The following SCAPER variants were observed in gnomAD, a reference collection of about 807,000 sequenced individuals.
SCAPER encodes the protein S phase cyclin A-associated protein in the endoplasmic reticulum.
Under a neutral mutation model 182.2 loss-of-function variants are expected in SCAPER, and 98 were observed. The observed-to-expected ratio is 0.54, with a 90% CI of 0.46 to 0.64. The LOEUF (loss-of-function observed/expected upper bound fraction) is 0.64. SCAPER is among the 30% of genes least tolerant of loss of function. The probability of loss-of-function intolerance (pLI) is 0.00; values close to 1 mark genes in which losing one functional copy is unlikely to be tolerated. For synonymous variants in SCAPER, 605 were observed against 564.6 expected (o/e 1.07, Z -1.01); for missense variants, 1,432 against 1,690.0 (o/e 0.85, Z 2.68).
intron 25 of SCAPER, among the ~76,000 whole-genome samples, chr15:76,461,115 T>G (rs115997916): frequency 2.0e-3 from 311 of 152,258 alleles, no homozygotes; most frequent in African/African-American, 6.6e-3. Flanking sequence ...AAAATGCCCC[T>G]TAATTTTTGG....
chr15:76,658,953 A>C (rs981925626), intron 21 of SCAPER, among the ~76,000 whole-genome samples: 1 of 152,200 alleles, frequency 6.6e-6, no homozygotes, highest in Non-Finnish European at 1.5e-5. Flanking sequence ...GTGAAACATC[A>C]AACTATAAAA....
intron 1 of SCAPER, among the ~76,000 whole-genome samples, chr15:76,884,938 T>C (rs2073762809): frequency 6.6e-6 from 1 of 152,216 alleles, no homozygotes; most frequent in South Asian, 2.1e-4. Flanking sequence ...ACACATATTG[T>C]ATGATTCCAC....
rs1362148153 is a variant in SCAPER, at chr15:76,821,284, A to AAGGG, written c.394-16652_394-16651insCCCT. ...CTGTGGTACATCCAGAAAATGAAAT[A>AAGGG]TTGCTCACGGCTAAGAAGAATGATC... On this transcript the variant is annotated intron_variant, in intron 5 of 31. Transcript: ENST00000563290. Among the ~76,000 whole-genome samples the AAGGG allele has an allele frequency of 4.6e-5, 7 of 152,364 alleles. No individual in the cohort carries two copies. In the East Asian group the frequency reaches 1.3e-3, roughly 29 times the overall value.
intron 17 of SCAPER, among the ~76,000 whole-genome samples, chr15:76,711,668 T>G (rs564884168): frequency 2.4e-4 from 37 of 152,348 alleles, no homozygotes; most frequent in Admixed American, 1.6e-3. Flanking sequence ...GGTTTTGATT[T>G]GCATTTCTTT....
intron 24 of SCAPER, among the ~76,000 whole-genome samples, chr15:76,479,516 G>T (rs1933654837): frequency 6.6e-6 from 1 of 152,164 alleles, no homozygotes; most frequent in African/African-American, 2.4e-5. Context: ...TTTTGTGTCA[G>T]TAAGTCTTTT....
intron 5 of SCAPER, among the ~76,000 whole-genome samples, chr15:76,841,516 A>G (rs1276540079): frequency 6.6e-6 from 1 of 152,042 alleles, no homozygotes; most frequent in African/African-American, 2.4e-5. Context: ...GTGTGGTGGC[A>G]TGTGCCTGTA....
chr15:76,616,859 C>T (rs575771336), intron 22 of SCAPER, among the ~76,000 whole-genome samples: 57 of 152,208 alleles, frequency 3.7e-4, no homozygotes, highest in Non-Finnish European at 7.6e-4. Flanking sequence ...TACAAGTTTT[C>T]AATCATCATA....
intron 14 of SCAPER, among the ~76,000 whole-genome samples, chr15:76,764,631 A>G (rs2063003056): frequency 6.6e-6 from 1 of 152,240 alleles, no homozygotes; most frequent in Non-Finnish European, 1.5e-5. Flanking sequence ...CAAACACACT[A>G]CAAACTGATA....
intron 24 of SCAPER, among the ~76,000 whole-genome samples, chr15:76,485,428 A>T (rs909619589): frequency 6.6e-6 from 1 of 152,270 alleles, no homozygotes; most frequent in Non-Finnish European, 1.5e-5. Context: ...ATGGATAGAA[A>T]GACTCAATAT....
At chr15:76,585,723 G>C (rs1002102783) in intron 22 of SCAPER, among the ~76,000 whole-genome samples, 1 of 152,054 alleles carries the variant, frequency 6.6e-6, no homozygotes, top group Non-Finnish European at 1.5e-5. Context: ...TTGGTAATTT[G>C]AGCTACACCC....
At chr15:76,628,046 T>G (rs1251361006) in intron 21 of SCAPER, among the ~76,000 whole-genome samples, 1 of 152,238 alleles carries the variant, frequency 6.6e-6, no homozygotes, top group Non-Finnish European at 1.5e-5. Context: ...ATCAGTGATG[T>G]TGAGCTTTTC....
intron 26 of SCAPER, among the ~76,000 whole-genome samples, chr15:76,406,839 G>T (rs1234983627): frequency 6.6e-6 from 1 of 152,162 alleles, no homozygotes; most frequent in East Asian, 1.9e-4. Context: ...GTGAGCATGT[G>T]CTTCAGGACA....
intron 23 of SCAPER, among the ~76,000 whole-genome samples, chr15:76,549,256 GGTA>G (rs1190500905): frequency 6.6e-6 from 1 of 151,998 alleles, no homozygotes; most frequent in Non-Finnish European, 1.5e-5. Context: ...CCTATTACTG[GGTA>G]TATACCCGAA....
intron 8 of SCAPER, among the ~76,000 whole-genome samples, chr15:76,781,882 A>G (rs11072623): frequency 1.3e-5 from 2 of 152,228 alleles, no homozygotes; most frequent in Non-Finnish European, 2.9e-5. Context: ...AGAGCTCCTG[A>G]AGGAAGAACT....
chr15:76,518,848 T>C (rs1334568558), intron 23 of SCAPER, among the ~76,000 whole-genome samples: 4 of 152,256 alleles, frequency 2.6e-5, no homozygotes. Context: ...CCTTCTTATA[T>C]GGAGAACAGT....
intron 17 of SCAPER, among the ~76,000 whole-genome samples, chr15:76,712,466 T>A (rs993878808): frequency 3.3e-5 from 5 of 152,202 alleles, no homozygotes; most frequent in African/African-American, 1.2e-4. Flanking sequence ...TTTTTCCAAT[T>A]CTGTGAAGAA....
At chr15:76,626,576 G>C (rs146279543) in intron 21 of SCAPER, among the ~76,000 whole-genome samples, 1 of 152,180 alleles carries the variant, frequency 6.6e-6, no homozygotes, top group African/African-American at 2.4e-5. Flanking sequence ...AATTAGCTGG[G>C]TGTGGTGGCG....
intron 25 of SCAPER, among the ~76,000 whole-genome samples, chr15:76,442,589 T>G (rs2047692315): frequency 6.6e-6 from 1 of 152,170 alleles, no homozygotes; most frequent in South Asian, 2.1e-4. Flanking sequence ...TTACTGAGAG[T>G]CCACTGTAAG....
At chr15:76,865,757 T>G (rs551111076) in intron 2 of SCAPER, among the ~76,000 whole-genome samples, 1 of 152,274 alleles carries the variant, frequency 6.6e-6, no homozygotes, top group East Asian at 1.9e-4. Context: ...ACTCTAATTC[T>G]CTGTGATGAG....
Sources: allele counts gnomAD v4.1 joint callset (sites outside exome capture counted in the v4.1 genomes callset), GRCh38; gene constraint gnomAD v4.1.1; transcripts MANE v1.5; gene names NCBI Gene and HGNC (gene_info 2026-07-23, HGNC 2026-07-21).